The following ATP2B2 variants were observed in gnomAD, a reference collection of about 807,000 sequenced individuals.
The protein encoded by ATP2B2 is plasma membrane calcium-transporting ATPase 2.
A neutral mutation model predicts 120.0 loss-of-function variants in ATP2B2; 15 were observed. That is an observed-to-expected ratio of 0.12 (90% confidence interval 0.08 to 0.19). The LOEUF (loss-of-function observed/expected upper bound fraction) is 0.19. Ranked by LOEUF, ATP2B2 falls within the 10% of genes least tolerant of loss-of-function variation. The pLI, the probability that ATP2B2 is intolerant of heterozygous loss-of-function variation, is 1.00. For synonymous variants in ATP2B2, 694 were observed against 700.3 expected (o/e 0.99, Z 0.14); for missense variants, 1,045 against 1,719.8 (o/e 0.61, Z 6.94).
intron 1 of ATP2B2, among the ~76,000 whole-genome samples, chr3:10,698,550 A>T (rs771887313): frequency 6.6e-6 from 1 of 152,198 alleles, no homozygotes; most frequent in African/African-American, 2.4e-5. Flanking sequence ...TGACCTGCAG[A>T]ACATCCCTCC....
chr3:10,661,532 C>T (rs1028662168), intron 1 of ATP2B2, among the ~76,000 whole-genome samples: 1 of 152,176 alleles, frequency 6.6e-6, no homozygotes, highest in Non-Finnish European at 1.5e-5. Context: ...CCTAGGAATC[C>T]AACTTACAAG....
At chr3:10,350,377 G>A (rs1253646698) in intron 15 of ATP2B2, 21 bp downstream of exon 15, 2 of 1,614,196 alleles carry the variant, frequency 1.2e-6, no homozygotes, top group Non-Finnish European at 1.7e-6. Context: ...CCCTGAGGAT[G>A]CTTTACGTTG....
At chr3:10,496,238 C>T (rs2066141138) in intron 1 of ATP2B2, among the ~76,000 whole-genome samples, 2 of 152,196 alleles carry the variant, frequency 1.3e-5, no homozygotes, top group African/African-American at 4.8e-5. Context: ...ATCCCAAATC[C>T]ACATAACAGA....
chr3:10,436,359 T>C (rs1211236060), intron 2 of ATP2B2, among the ~76,000 whole-genome samples: 1 of 152,264 alleles, frequency 6.6e-6, no homozygotes, highest in Non-Finnish European at 1.5e-5. Flanking sequence ...TACCGTATAA[T>C]GGTGTGCGGC....
At chr3:10,422,777 G>C (rs528023267) in intron 2 of ATP2B2, among the ~76,000 whole-genome samples, 32 of 152,366 alleles carry the variant, frequency 2.1e-4, no homozygotes, top group East Asian at 1.4e-3. Flanking sequence ...ATGTGGACAT[G>C]GCACAGAACG....
chr3:10,470,399 C>T (rs770148852), intron 1 of ATP2B2, among the ~76,000 whole-genome samples: 4 of 152,076 alleles, frequency 2.6e-5, no homozygotes, highest in Non-Finnish European at 5.9e-5. Context: ...AGATCTGAAC[C>T]CAGGCCAGTG....
rs199652706 is a variant in ATP2B2 at position 10,449,539 on chromosome 3, C to T, written c.5G>A (p.Gly2Asp). 33 of 1,614,128 alleles carry T rather than the reference C, an allele frequency of 2.0e-5. No individual in the cohort carries two copies. The highest frequency in any genetic ancestry group is 2.7e-5 in the Non-Finnish European group (32 of 1,180,042). The change falls in exon 2 of 23, where the codon GGT (glycine) becomes GAT (aspartate). Residue 2 changes from glycine (G) to aspartate (D), a missense_variant. This residue lies in a region of ATP2B2 where 139 missense variants were observed against 134.2 expected (regional missense o/e 1.04). Transcript: ENST00000360273. MGDMTNSDFYSK... is the reference protein window; with the variant it reads MDDMTNSDFYSK... ...GTAAAAGTCGCTGTTGGTCATGTCACCCATGTTTGCTGCGGTCCTTGCTCG... is the reference window on the plus strand; with the variant it reads ...GTAAAAGTCGCTGTTGGTCATGTCATCCATGTTTGCTGCGGTCCTTGCTCG...
intron 2 of ATP2B2, among the ~76,000 whole-genome samples, chr3:10,559,248 G>T (rs1287167347): frequency 6.6e-6 from 1 of 152,194 alleles, no homozygotes; most frequent in Non-Finnish European, 1.5e-5. Flanking sequence ...TAGAGGCTGG[G>T]AAATGTAGTG....
intron 1 of ATP2B2, among the ~76,000 whole-genome samples, chr3:10,485,523 G>A (rs989611375): frequency 2.6e-4 from 39 of 152,344 alleles, no homozygotes; most frequent in Admixed American, 1.3e-3. Context: ...TCCTGCGCCC[G>A]CTCCCTCCGC....
chr3:10,614,881 C>A (rs2069341408), intron 2 of ATP2B2, among the ~76,000 whole-genome samples: 1 of 152,210 alleles, frequency 6.6e-6, no homozygotes, highest in Non-Finnish European at 1.5e-5. Context: ...CCCAGAAAAG[C>A]TGCTGAGAGA....
upstream of ATP2B2, among the ~76,000 whole-genome samples, chr3:10,505,849 C>T (rs1297581938): frequency 6.6e-6 from 1 of 151,608 alleles, no homozygotes; most frequent in East Asian, 1.9e-4. Flanking sequence ...GTTTTAATTC[C>T]TCCCGTGGGA....
rs1010234640 is a variant in ATP2B2, at chr3:10,447,464, C to A, written c.199+1881G>T. Among the ~76,000 whole-genome samples, 5 of 152,194 alleles carry A rather than the reference C, an allele frequency of 3.3e-5. 1 individual carries two copies. The highest frequency in any genetic ancestry group is 1.2e-4 in the African/African-American group (5 of 41,442). On this transcript the variant is annotated intron_variant, in intron 2 of 22. Coordinates refer to ENST00000360273, the MANE Select transcript of ATP2B2 (RefSeq NM_001001331.4). Reference sequence around the variant, plus strand: ...ACCCTGCTTTGAGGGGGTCTAGAAACCCACAAATAGTGTGAGCCACACCTG... The same window carrying A: ...ACCCTGCTTTGAGGGGGTCTAGAAAACCACAAATAGTGTGAGCCACACCTG...
intron 1 of ATP2B2, among the ~76,000 whole-genome samples, chr3:10,500,386 C>T (rs571031935): frequency 6.6e-6 from 1 of 152,102 alleles, no homozygotes; most frequent in East Asian, 1.9e-4. Context: ...TGAACGGTGT[C>T]CTATCCAAAG....
rs573048388 is a variant in ATP2B2 at position 10,403,613 on chromosome 3, C to T, written c.398-1265G>A. Among the ~76,000 whole-genome samples, 7 of 152,286 alleles carry T rather than the reference C, an allele frequency of 4.6e-5. No homozygotes were observed. The East Asian group carries it at 1.2e-3, about 25-fold the overall frequency. On this transcript the variant is annotated intron_variant, in intron 3 of 22. Transcript: ENST00000360273. ...TTCATTTCCTCTGGGACCTGGGGAGCGGCCATTTCCATGGAAAGGAATCTC... is the reference window on the plus strand; with the variant it reads ...TTCATTTCCTCTGGGACCTGGGGAGTGGCCATTTCCATGGAAAGGAATCTC...
intron 3 of ATP2B2, among the ~76,000 whole-genome samples, chr3:10,512,467 C>T (rs1270748443): frequency 9.5e-5 from 2 of 21,026 alleles, no homozygotes; most frequent in African/African-American, 2.0e-4. Context: ...TGTGTGCGCA[C>T]ACACACACAC....
At chr3:10,344,481 G>A (rs894332655) in intron 18 of ATP2B2, among the ~76,000 whole-genome samples, 10 of 152,246 alleles carry the variant, frequency 6.6e-5, no homozygotes, top group African/African-American at 2.2e-4. Context: ...GGGGAGCAGT[G>A]TTCCAGCGCC....
In ATP2B2 at chr3:10,518,346, C is replaced by T. The variant is rs117007111; in HGVS notation, c.-320+15693G>A. Among the ~76,000 whole-genome samples, 929 of 152,234 alleles carry T rather than the reference C, an allele frequency of 6.1e-3. 23 individuals carry two copies. In the East Asian group the frequency reaches 0.083, roughly 14 times the overall value. On this transcript the variant is annotated intron_variant, in intron 3 of 21. Transcript: ENST00000646379. The stretch of plus-strand genomic sequence containing the variant: ...GATGTGCTTGCCCCCCTCCAAAATG[C>T]GGACTCGCGTCTGCCTTTGGAAACC...
chr3:10,587,466 G>T (rs897004596), intron 2 of ATP2B2, among the ~76,000 whole-genome samples: 7 of 151,966 alleles, frequency 4.6e-5, no homozygotes, highest in African/African-American at 1.5e-4. Context: ...TTGAACCTTT[G>T]CCTCCCTGGT....
At chr3:10,577,707 C>T (rs2068286294) in intron 2 of ATP2B2, among the ~76,000 whole-genome samples, 1 of 152,236 alleles carries the variant, frequency 6.6e-6, no homozygotes, top group African/African-American at 2.4e-5. Context: ...AACAATCTTT[C>T]TTGGCAAGCT....
Sources: allele counts gnomAD v4.1 joint callset (sites outside exome capture counted in the v4.1 genomes callset), GRCh38; gene constraint gnomAD v4.1.1; regional missense constraint gnomAD v4.1.1; transcripts MANE v1.5; gene names NCBI Gene and HGNC (gene_info 2026-07-23, HGNC 2026-07-21).